Variants in GRM8 observed in about 807,000 individuals in gnomAD.
GRM8 encodes the protein metabotropic glutamate receptor 8.
Under a neutral mutation model 87.2 loss-of-function variants are expected in GRM8, and 47 were observed. That is an observed-to-expected ratio of 0.54 (90% CI 0.43 to 0.69). The LOEUF (loss-of-function observed/expected upper bound fraction) is 0.69. Ranked by LOEUF, GRM8 falls within the 30% of genes least tolerant of loss-of-function variation. GRM8 has a pLI of 0.00. For synonymous variants in GRM8, 396 were observed against 404.5 expected, an observed-to-expected ratio of 0.98 and a Z score of 0.25; for missense variants, 1,019 against 1,139.2, an observed-to-expected ratio of 0.89 and a Z score of 1.52.
intron 7 of GRM8, among the ~76,000 whole-genome samples, chr7:126,749,939 G>A (rs1040375746): frequency 1.3e-5 from 2 of 152,118 alleles, no homozygotes; most frequent in Non-Finnish European, 1.5e-5. Context: ...TCAGTCTCTC[G>A]TACAGTTAAA....
At chr7:126,801,593 T>C (rs1284442283) in intron 6 of GRM8, among the ~76,000 whole-genome samples, 3 of 76,600 alleles carry the variant, frequency 3.9e-5, no homozygotes, top group Admixed American at 1.5e-4. Flanking sequence ...TATTTTCTTT[T>C]CTGTATTATA....
At chr7:126,741,920 G>C (rs1815053013) in intron 7 of GRM8, among the ~76,000 whole-genome samples, 1 of 151,984 alleles carries the variant, frequency 6.6e-6, no homozygotes, top group South Asian at 2.1e-4. Flanking sequence ...TGAGGAGGAG[G>C]ATTAAATGAG....
At chr7:126,729,060 C>G (rs2151477541) in intron 7 of GRM8, among the ~76,000 whole-genome samples, 1 of 152,232 alleles carries the variant, frequency 6.6e-6, no homozygotes, top group African/African-American at 2.4e-5. Context: ...AAAGGCTTCA[C>G]AGCCCTTGAG....
intron 2 of GRM8, among the ~76,000 whole-genome samples, chr7:127,200,752 A>T (rs1795543996): frequency 6.6e-6 from 1 of 152,214 alleles, no homozygotes; most frequent in South Asian, 2.1e-4. Context: ...TTATAAAGAC[A>T]TGAGTCATTG....
chr7:126,938,569 T>A (rs1351039925), intron 3 of GRM8, among the ~76,000 whole-genome samples: 1 of 152,142 alleles, frequency 6.6e-6, no homozygotes, highest in African/African-American at 2.4e-5. Context: ...TAAGATAAAG[T>A]AGTAAGTGCA....
intron 3 of GRM8, among the ~76,000 whole-genome samples, chr7:126,930,191 C>T (rs1240489941): frequency 6.6e-6 from 1 of 152,138 alleles, no homozygotes; most frequent in Non-Finnish European, 1.5e-5. Context: ...TGCCTGTGCT[C>T]AAAACCCAGT....
rs17864083 is a variant in GRM8 at position 126,950,481 on chromosome 7, A to T, written c.728-45798T>A. Reference sequence around the variant, plus strand: ...TAAAATTGGGGATCATTTTCATTTTATTTTTATCTATTTCTCTCTCTCTCT... The same window carrying T: ...TAAAATTGGGGATCATTTTCATTTTTTTTTTATCTATTTCTCTCTCTCTCT... On this transcript the variant is annotated intron_variant, in intron 3 of 10. Transcript: ENST00000339582. 1.6e-3 allele frequency among the ~76,000 whole-genome samples: 247 copies of T among 152,214 alleles called. 1 individual carries two copies. Among genetic ancestry groups the T allele is most frequent in the Non-Finnish European group, 2.6e-3 (176 of 67,980 alleles).
chr7:126,735,800 A>T (rs925842774), intron 7 of GRM8, among the ~76,000 whole-genome samples: 5 of 152,104 alleles, frequency 3.3e-5, no homozygotes, highest in Non-Finnish European at 7.4e-5. Flanking sequence ...GACACAGAAT[A>T]AAAGAGACAG....
At chr7:126,943,358 G>T (rs1193706098) in intron 3 of GRM8, among the ~76,000 whole-genome samples, 1 of 152,138 alleles carries the variant, frequency 6.6e-6, no homozygotes, top group Non-Finnish European at 1.5e-5. Context: ...GGGACACATG[G>T]CAGAGCCCTG....
In GRM8 at chr7:127,252,036, A is replaced by T. The variant is rs1798905720; in HGVS notation, c.-312+761T>A. On this transcript the variant is annotated intron_variant, in intron 1 of 10. Coordinates refer to ENST00000339582, the MANE Select transcript of GRM8 (RefSeq NM_000845.3). This position sits in a 1 kb window ranked among gnomAD's most constrained non-coding sequence, Gnocchi z 4.9. ...CTAGATCCTGGTTAGACATCCATCC[A>T]GCCCACGCTCAGAGGGCGGGGGTTA... is the stretch of plus-strand genomic sequence containing the variant. The T allele has an allele frequency of 1.3e-5, 2 of 152,138 alleles. No homozygotes were observed. Among genetic ancestry groups the T allele is most frequent in the South Asian group, 4.1e-4 (2 of 4,822 alleles). 9.4% of individuals were successfully genotyped at this position (152,138 alleles called of 1,614,324 possible).
chr7:127,244,923 C>A (rs1176811623), intron 1 of GRM8, among the ~76,000 whole-genome samples: 2 of 152,182 alleles, frequency 1.3e-5, no homozygotes, highest in African/African-American at 4.8e-5. Flanking sequence ...TTCTGTGCAG[C>A]CTAAGACAAG....
chr7:126,997,565 G>C (rs1010182054), intron 3 of GRM8, among the ~76,000 whole-genome samples: 1 of 145,438 alleles, frequency 6.9e-6, no homozygotes, highest in African/African-American at 2.5e-5. Context: ...AAAAAGAGAC[G>C]ATCCAAACAA....
chr7:127,101,318 T>TTAATATAAATATACATATACTTAA (rs1825220407), intron 3 of GRM8, among the ~76,000 whole-genome samples: 3 of 152,124 alleles, frequency 2.0e-5, no homozygotes, highest in Admixed American at 2.0e-4. Flanking sequence ...ATATACATTC[T>TTAATATAAATATACATATACTTAA]GATAGATCCC....
At chr7:126,689,552 C>T (rs890612202) in intron 7 of GRM8, among the ~76,000 whole-genome samples, 1 of 152,160 alleles carries the variant, frequency 6.6e-6, no homozygotes, top group East Asian at 1.9e-4. Context: ...AAATCATTCA[C>T]TAGATAACTG....
chr7:126,687,615 A>G (rs944946718), intron 7 of GRM8, among the ~76,000 whole-genome samples: 3 of 150,894 alleles, frequency 2.0e-5, no homozygotes, highest in African/African-American at 7.3e-5. Context: ...GTAACCAAGA[A>G]TGGAATTGGT....
At position 126,902,637 on chromosome 7, in the gene GRM8, C is replaced by T. The variant is rs1197672899; in HGVS notation, c.1061G>A (p.Arg354Gln). 10 of 1,609,554 alleles carry T rather than the reference C, an allele frequency of 6.2e-6. No individual in the cohort carries two copies. Among genetic ancestry groups the T allele is most frequent in the Non-Finnish European group, 7.6e-6 (9 of 1,177,464 alleles). ...YFRSRTLANNRRNVWFAEFWE... is the reference protein window; with the variant it reads ...YFRSRTLANNQRNVWFAEFWE... ...GAATTCTGCAAACCACACATTTCTT[C>T]GATTATTGGCAAGAGTTCGGCTTCT... The change falls in exon 6 of 11, where the codon CGA becomes CAA. Residue 354 changes from arginine to glutamine, a missense_variant. Arg to Gln is a conservative substitution (Grantham distance 43). Coordinates refer to ENST00000339582, the MANE Select transcript of GRM8 (RefSeq NM_000845.3).
chr7:126,535,628 T>TAGGTTGC (rs1415436287), intron 8 of GRM8, among the ~76,000 whole-genome samples: 6 of 152,186 alleles, frequency 3.9e-5, no homozygotes, highest in Admixed American at 2.6e-4. Context: ...TAATAACTAC[T>TAGGTTGC]AGGTTGCAGG....
intron 3 of GRM8, among the ~76,000 whole-genome samples, chr7:126,953,190 T>C (rs1003263997): frequency 2.6e-5 from 4 of 152,004 alleles, no homozygotes; most frequent in Non-Finnish European, 4.4e-5. Context: ...AAAGACCAGG[T>C]TGGGGGAGAA....
chr7:126,699,631 C>G (rs1377541304), intron 7 of GRM8, among the ~76,000 whole-genome samples: 1 of 152,068 alleles, frequency 6.6e-6, no homozygotes, highest in African/African-American at 2.4e-5. Flanking sequence ...GTTTCTGCAT[C>G]TTTACTTTTC....
Sources: allele counts gnomAD v4.1 joint callset (sites outside exome capture counted in the v4.1 genomes callset), GRCh38; gene constraint gnomAD v4.1.1; non-coding constraint Gnocchi (gnomAD v3.1); transcripts MANE v1.5; gene names NCBI Gene and HGNC (gene_info 2026-07-23, HGNC 2026-07-21).